FUT8: variants seen among roughly 807,000 people sequenced by gnomAD.
FUT8 encodes fucosyltransferase 8.
In FUT8, 29 loss-of-function variants were observed where a neutral mutation model predicts 71.3. That is an observed-to-expected ratio of 0.41 (90% CI 0.30 to 0.55). The LOEUF (loss-of-function observed/expected upper bound fraction) is 0.55. Among genes scored for constraint, FUT8 ranks in the 20% least tolerant of loss-of-function variants. The pLI is 0.34. For synonymous variants in FUT8, 254 were observed against 239.3 expected (o/e 1.06, Z -0.57); for missense variants, 544 against 702.1 (o/e 0.77, Z 2.55).
At chr14:65,544,773 A>G (rs947777306) in intron 2 of FUT8, among the ~76,000 whole-genome samples, 8 of 152,118 alleles carry the variant, frequency 5.3e-5, no homozygotes, top group African/African-American at 1.9e-4. Flanking sequence ...TCATGTATTT[A>G]TGATGCTGGC....
In FUT8 at chr14:65,622,986, G is replaced by A. The variant is rs994843723; in HGVS notation, c.483-6506G>A. On this transcript the variant is annotated intron_variant, in intron 5 of 10. Coordinates refer to ENST00000673929, the MANE Select transcript of FUT8 (RefSeq NM_001371533.1). ...GCACAGTGGTGCAAAAACGACCTGG[G>A]CTAAAGTGATCCTCCTGCCTCAGCC... 2.7e-5 allele frequency among the ~76,000 whole-genome samples: 4 copies of A among 149,988 alleles called. No individual in the cohort carries two copies. The Admixed American group carries it at 2.7e-4, about 10-fold the overall frequency.
upstream of FUT8, chr14:65,411,851 AC>A (rs577816927): frequency 2.8e-6 from 1 of 356,250 alleles, no homozygotes; most frequent in Non-Finnish European, 5.5e-6. Context: ...CCTCGGCGGC[AC>A]CCCTCGTCCC....
In FUT8 at chr14:65,724,340, A is replaced by G. The variant is rs1895573823; in HGVS notation, c.1259+17A>G. The G allele has an allele frequency of 7.2e-6, 11 of 1,537,960 alleles. No individual in the cohort carries two copies. The East Asian group carries it at 1.8e-4, about 25-fold the overall frequency. On this transcript the variant is annotated intron_variant, in intron 9 of 10. Coordinates refer to ENST00000673929, the MANE Select transcript of FUT8 (RefSeq NM_001371533.1). ...AAAAACAAAGTAAGTTAGACCAACT[A>G]GTGATTCTAGAGTGGGGTTGTCTCT...
At chr14:65,480,299 ATTTTT>A (rs5809276) in intron 2 of FUT8, among the ~76,000 whole-genome samples, 2 of 96,978 alleles carry the variant, frequency 2.1e-5, no homozygotes, top group African/African-American at 3.8e-5. Context: ...ATGAACTGTG[ATTTTT>A]TTTTTTTTTT....
the FUT8 span, among the ~76,000 whole-genome samples, chr14:65,395,386 G>T: frequency 2.0e-5 from 3 of 152,186 alleles, no homozygotes; most frequent in Non-Finnish European, 2.9e-5. Context: ...CTCCATGTGG[G>T]CCCCTCCCCT....
chr14:65,393,801 G>A, the FUT8 span, among the ~76,000 whole-genome samples: 1 of 152,122 alleles, frequency 6.6e-6, no homozygotes. Context: ...AGACATACCT[G>A]AGACTAGATA....
intron 7 of FUT8, among the ~76,000 whole-genome samples, chr14:65,680,909 TGC>T (rs1893005052): frequency 6.6e-6 from 1 of 152,242 alleles, no homozygotes; most frequent in African/African-American, 2.4e-5. Context: ...AAATGTGCCC[TGC>T]ACTCCATAAT....
At chr14:65,480,871 G>A (rs376043211) in intron 2 of FUT8, among the ~76,000 whole-genome samples, 1 of 151,688 alleles carries the variant, frequency 6.6e-6, no homozygotes, top group South Asian at 2.1e-4. Context: ...TGTATTTTTA[G>A]TAGAGATGGG....
At chr14:65,496,467 G>T (rs538757906) in intron 2 of FUT8, among the ~76,000 whole-genome samples, 94 of 152,152 alleles carry the variant, frequency 6.2e-4, no homozygotes, top group African/African-American at 2.1e-3. Context: ...CGTGTCAAGG[G>T]AGAGACCTGG....
At chr14:65,712,977 T>G (rs1324629888) in intron 7 of FUT8, among the ~76,000 whole-genome samples, 1 of 152,206 alleles carries the variant, frequency 6.6e-6, no homozygotes, top group Non-Finnish European at 1.5e-5. Context: ...GTAGTCACCC[T>G]GCTGTGCTGT....
intron 3 of FUT8, among the ~76,000 whole-genome samples, chr14:65,568,226 T>C (rs1361400600): frequency 6.6e-6 from 1 of 151,860 alleles, no homozygotes; most frequent in Non-Finnish European, 1.5e-5. Flanking sequence ...AGTGCCATTT[T>C]ATTTTCTTCT....
At chr14:65,545,302 TAG>T (rs1840857424) in intron 2 of FUT8, among the ~76,000 whole-genome samples, 2 of 152,128 alleles carry the variant, frequency 1.3e-5, no homozygotes, top group African/African-American at 4.8e-5. Context: ...ATTTAAAAAA[TAG>T]AGTCTTGGGC....
rs1374992509 is a variant in FUT8, at chr14:65,550,484, G to A, written c.-227-10853G>A. ...TATTGAATACTTTACTGAAAGTGAA[G>A]AACAAAATGGTTGTAGGGTTACTCA... On this transcript the variant is annotated intron_variant, in intron 2 of 10. Coordinates refer to ENST00000673929, the MANE Select transcript of FUT8 (RefSeq NM_001371533.1). The surrounding 1 kb of genome is among the most constrained non-coding windows in gnomAD (Gnocchi z 4.5). 6.6e-6 allele frequency among the ~76,000 whole-genome samples: 1 copy of A among 152,114 alleles called. No homozygotes were observed. Among genetic ancestry groups the A allele is most frequent in the Non-Finnish European group, 1.5e-5 (1 of 68,014 alleles).
chr14:65,523,719 G>A (rs979326430), intron 2 of FUT8, among the ~76,000 whole-genome samples: 30 of 152,044 alleles, frequency 2.0e-4, no homozygotes, highest in African/African-American at 5.1e-4. Flanking sequence ...CTAACATTTA[G>A]GTCTTTAATC....
the FUT8 span, among the ~76,000 whole-genome samples, chr14:65,367,758 T>A: frequency 1.3e-5 from 2 of 152,158 alleles, no homozygotes; most frequent in Admixed American, 1.3e-4. Flanking sequence ...CTCTCCTTAA[T>A]CCACATCTGA....
At chr14:65,378,836 G>GTTTTT in the FUT8 span, among the ~76,000 whole-genome samples, 8 of 74,868 alleles carry the variant, frequency 1.1e-4, no homozygotes, top group South Asian at 5.5e-4. Flanking sequence ...TTCACAAGAA[G>GTTTTT]GTTTTTTTTT....
the FUT8 span, among the ~76,000 whole-genome samples, chr14:65,383,638 A>G: frequency 7.9e-5 from 12 of 152,266 alleles, no homozygotes; most frequent in African/African-American, 2.2e-4. Context: ...TCTGGCCCCA[A>G]TTCTCTAAAA....
chr14:65,615,444 C>T (rs1213852215), intron 3 of FUT8, among the ~76,000 whole-genome samples: 2 of 152,096 alleles, frequency 1.3e-5, no homozygotes, highest in South Asian at 2.1e-4. Context: ...CTACTCTTGT[C>T]TTTCTTTTTT....
intron 3 of FUT8, among the ~76,000 whole-genome samples, chr14:65,568,973 T>C (rs1293766195): frequency 3.3e-5 from 5 of 151,876 alleles, no homozygotes; most frequent in Non-Finnish European, 7.4e-5. Flanking sequence ...TTTTAAAAAC[T>C]TTATCTTTCA....
Sources: allele counts gnomAD v4.1 joint callset (sites outside exome capture counted in the v4.1 genomes callset), GRCh38; gene constraint gnomAD v4.1.1; non-coding constraint Gnocchi (gnomAD v3.1); transcripts MANE v1.5; gene names NCBI Gene and HGNC (gene_info 2026-07-23, HGNC 2026-07-21).